SPECC1: variants seen among roughly 807,000 people sequenced by gnomAD.
The protein encoded by SPECC1 is cytospin-B.
SPECC1 carries 62 observed loss-of-function variants against 104.1 expected under a neutral mutation model. The observed-to-expected ratio is 0.60, with a 90% CI of 0.49 to 0.74. The LOEUF is 0.74. Ranked by LOEUF, SPECC1 falls within the 30% of genes least tolerant of loss-of-function variation. SPECC1 has a pLI of 0.00. For synonymous variants in SPECC1, 513 were observed against 501.6 expected (o/e 1.02, Z -0.30); for missense variants, 1,306 against 1,310.5 (o/e 1.00, Z 0.05).
intron 3 of SPECC1, among the ~76,000 whole-genome samples, chr17:20,115,289 A>G (rs2048699922): frequency 6.6e-6 from 1 of 152,182 alleles, no homozygotes; most frequent in South Asian, 2.1e-4. Context: ...CCTGGCCAAC[A>G]TGGTGAAAAC....
chr17:20,302,559 A>G (rs1466647340), intron 13 of SPECC1, among the ~76,000 whole-genome samples: 1 of 151,766 alleles, frequency 6.6e-6, no homozygotes, highest in Non-Finnish European at 1.5e-5. Context: ...TACTGTTGTG[A>G]ATAAAAAACC....
intron 3 of SPECC1, among the ~76,000 whole-genome samples, chr17:20,172,861 G>A (rs2034193618): frequency 6.6e-6 from 1 of 152,222 alleles, no homozygotes; most frequent in Admixed American, 6.5e-5. Flanking sequence ...GGTGAGGCCT[G>A]ATTATAAGTG....
chr17:20,063,299 CTTGAG>C (rs1170384366), intron 1 of SPECC1, among the ~76,000 whole-genome samples: 1 of 152,066 alleles, frequency 6.6e-6, no homozygotes, highest in East Asian at 1.9e-4. Context: ...TTTGTTTCTT[CTTGAG>C]TTAATTTTGG....
intron 1 of SPECC1, among the ~76,000 whole-genome samples, chr17:20,085,936 C>G (rs922957696): frequency 6.6e-6 from 1 of 152,248 alleles, no homozygotes; most frequent in African/African-American, 2.4e-5. Flanking sequence ...CCTGCATCCT[C>G]TGCAACTAGA....
At chr17:20,015,854 G>A (rs1292781350) in intron 1 of SPECC1, among the ~76,000 whole-genome samples, 3 of 149,636 alleles carry the variant, frequency 2.0e-5, no homozygotes, top group Non-Finnish European at 3.0e-5. Context: ...AAAGTGCTGG[G>A]GTTACAGGCG....
intron 1 of SPECC1, among the ~76,000 whole-genome samples, chr17:20,079,258 T>A (rs1018578179): frequency 6.6e-6 from 1 of 152,182 alleles, no homozygotes; most frequent in Non-Finnish European, 1.5e-5. Context: ...CCTCACTTTC[T>A]TTTCCAACAT....
intron 1 of SPECC1, among the ~76,000 whole-genome samples, chr17:20,010,742 T>G (rs2043914951): frequency 6.6e-6 from 1 of 152,252 alleles, no homozygotes; most frequent in African/African-American, 2.4e-5. Flanking sequence ...CGCTGCAGTG[T>G]TGACTATTGA....
chr17:20,088,680 G>A (rs4925081), intron 1 of SPECC1, among the ~76,000 whole-genome samples: 75,570 of 151,976 alleles, frequency 0.5, 19,356 homozygotes, highest in Middle Eastern at 0.6. Context: ...GTTTGGCTAC[G>A]CTGCAGGGTA....
At chr17:20,029,331 A>G (rs1346021125) in intron 1 of SPECC1, among the ~76,000 whole-genome samples, 1 of 152,230 alleles carries the variant, frequency 6.6e-6, no homozygotes, top group Admixed American at 6.5e-5. Flanking sequence ...GCAAGTGTAT[A>G]GAAATATAAT....
intron 3 of SPECC1, among the ~76,000 whole-genome samples, chr17:20,184,507 A>G (rs556515867): frequency 1.2e-4 from 19 of 152,284 alleles, no homozygotes; most frequent in Middle Eastern, 3.4e-3. Context: ...GTGAGGGCTT[A>G]GGGGAGTTTA....
At chr17:20,084,087 A>T (rs2152493597) in intron 1 of SPECC1, among the ~76,000 whole-genome samples, 1 of 149,138 alleles carries the variant, frequency 6.7e-6, no homozygotes, top group East Asian at 1.9e-4. Flanking sequence ...TGTGCAGTTT[A>T]TTATTATTAT....
At chr17:20,260,418 T>A in intron 12 of SPECC1, 124 bp downstream of exon 12, 1 of 781,058 alleles carries the variant, frequency 1.3e-6, no homozygotes, top group African/African-American at 1.8e-5. Flanking sequence ...CTTTCTATTC[T>A]CCTAGGCAGG....
chr17:20,292,852 C>T (rs947215754), intron 12 of SPECC1, among the ~76,000 whole-genome samples: 5 of 152,120 alleles, frequency 3.3e-5, no homozygotes, highest in Non-Finnish European at 7.3e-5. Flanking sequence ...GATGAAGAGA[C>T]GTTATTATGG....
intron 3 of SPECC1, among the ~76,000 whole-genome samples, chr17:20,141,287 T>G (rs1041084009): frequency 6.6e-6 from 1 of 152,198 alleles, no homozygotes; most frequent in African/African-American, 2.4e-5. Flanking sequence ...AACTCTCTGT[T>G]GCCGTGAGTT....
intron 3 of SPECC1, among the ~76,000 whole-genome samples, chr17:20,129,923 T>G (rs1428023208): frequency 2.0e-5 from 3 of 151,432 alleles, no homozygotes; most frequent in Admixed American, 2.0e-4. Flanking sequence ...CCAGCTAATT[T>G]TTGTATTTTT....
intron 8 of SPECC1, 140 bp from the exon 9 acceptor site, chr17:20,247,079 G>T (rs2039452018): frequency 1.1e-5 from 6 of 563,748 alleles, no homozygotes; most frequent in Non-Finnish European, 1.8e-5. Context: ...GTCCGGAGAA[G>T]AAAAGGATAA....
At chr17:20,166,285 C>G (rs960661330) in intron 3 of SPECC1, among the ~76,000 whole-genome samples, 1 of 152,188 alleles carries the variant, frequency 6.6e-6, no homozygotes. Context: ...GAGAATTTAA[C>G]TGTCTTACAC....
At chr17:20,268,054 G>A (rs1039404434) in intron 12 of SPECC1, among the ~76,000 whole-genome samples, 12 of 152,266 alleles carry the variant, frequency 7.9e-5, no homozygotes, top group Middle Eastern at 3.4e-3. Flanking sequence ...TCTTTTAGAC[G>A]AAAATATATA....
chr17:20,198,233 T>C (rs759843084), intron 3 of SPECC1, among the ~76,000 whole-genome samples: 4 of 152,226 alleles, frequency 2.6e-5, no homozygotes, highest in Non-Finnish European at 5.9e-5. Context: ...GGCCCCGTCA[T>C]CTTTAATCCA....
Sources: gnomAD v4.1 joint callset for allele counts (sites outside exome capture counted in the v4.1 genomes callset) on GRCh38, gnomAD v4.1.1 for gene constraint, MANE v1.5 for transcripts, NCBI Gene and HGNC (gene_info 2026-07-23, HGNC 2026-07-21) for gene names.